The following CAMTA1 variants were observed in gnomAD, a reference collection of about 807,000 sequenced individuals.
CAMTA1 encodes the protein calmodulin-binding transcription activator 1.
A neutral mutation model predicts 170.9 loss-of-function variants in CAMTA1; 27 were observed. The observed-to-expected ratio is 0.16, with a 90% CI of 0.12 to 0.22. CAMTA1 has a LOEUF of 0.22. Among genes scored for constraint, CAMTA1 ranks in the 10% least tolerant of loss-of-function variants. CAMTA1 has a pLI of 1.00. For synonymous variants in CAMTA1, 833 were observed against 891.5 expected (o/e 0.93, Z 1.17); for missense variants, 1,619 against 2,217.2 (o/e 0.73, Z 5.42).
At chr1:7,025,766 G>A (rs2101016168) in intron 3 of CAMTA1, among the ~76,000 whole-genome samples, 1 of 152,302 alleles carries the variant, frequency 6.6e-6, no homozygotes, top group African/African-American at 2.4e-5. Context: ...GGGCATTGTG[G>A]TTTGAGAAGG....
Position 7,641,158 on chromosome 1 carries a change from G to A in CAMTA1, c.664+605G>A, listed in dbSNP as rs183000319. Among the ~76,000 whole-genome samples, 486 of 152,368 alleles carry A rather than the reference G, an allele frequency of 3.2e-3. 7 individuals are homozygous for A. The highest frequency in any genetic ancestry group is 0.023 in the Admixed American group (345 of 15,312). ...TGGGGCTGCTCCGTACTTTGTTGCC[G>A]TGGCCACAGCTCCCGGCAGCCGCTG... On this transcript the variant is annotated intron_variant, in intron 7 of 22. Coordinates refer to ENST00000303635, the MANE Select transcript of CAMTA1 (RefSeq NM_015215.4). This position sits in a 1 kb window ranked among gnomAD's most constrained non-coding sequence, Gnocchi z 4.5.
At position 7,195,986 on chromosome 1, in the gene CAMTA1, C is replaced by CA. The variant is rs1655450324; in HGVS notation, c.303-53504dup. ...GAGCTGAGATCATCCCACTGCACTC[C>CA]AGCCTGGGCAACACAGTGAGATACT... On this transcript the variant is annotated intron_variant, in intron 4 of 22. Transcript: ENST00000303635. This position sits in a 1 kb window ranked among gnomAD's most constrained non-coding sequence, Gnocchi z 4.1. Among the ~76,000 whole-genome samples, 1 of 152,172 alleles carries CA rather than the reference C, an allele frequency of 6.6e-6. No individual in the cohort carries two copies. The highest frequency in any genetic ancestry group is 2.4e-5 in the African/African-American group (1 of 41,518).
intron 5 of CAMTA1, among the ~76,000 whole-genome samples, chr1:7,288,002 A>G (rs1379711531): frequency 6.6e-6 from 1 of 152,224 alleles, no homozygotes; most frequent in Non-Finnish European, 1.5e-5. Flanking sequence ...AAAATTATCC[A>G]GTTAGTTTGG....
chr1:7,272,363 A>G (rs1669925869), intron 5 of CAMTA1, among the ~76,000 whole-genome samples: 1 of 152,150 alleles, frequency 6.6e-6, no homozygotes. Flanking sequence ...TTATCAAACT[A>G]TCATCTGGCT....
intron 5 of CAMTA1, among the ~76,000 whole-genome samples, chr1:7,312,771 C>T (rs1574609154): frequency 1.3e-5 from 2 of 152,114 alleles, no homozygotes; most frequent in Non-Finnish European, 2.9e-5. Flanking sequence ...TTATTTTTTC[C>T]ACTTCCTTCC....
chr1:7,087,592 G>T (rs182509052), intron 3 of CAMTA1, among the ~76,000 whole-genome samples: 1 of 152,198 alleles, frequency 6.6e-6, no homozygotes, highest in Non-Finnish European at 1.5e-5. Context: ...CAGAATGTGA[G>T]CCTTGGAGCC....
intron 3 of CAMTA1, among the ~76,000 whole-genome samples, chr1:7,037,748 G>C (rs1164604840): frequency 6.6e-6 from 1 of 151,538 alleles, no homozygotes; most frequent in Non-Finnish European, 1.5e-5. Flanking sequence ...TGAGGCAGTA[G>C]AATGGCATGA....
chr1:7,675,998 CCATCCCCCCCGACCCCAAGCTGGGACA>C (rs2096115981), intron 10 of CAMTA1, among the ~76,000 whole-genome samples: 1 of 152,236 alleles, frequency 6.6e-6, no homozygotes, highest in Admixed American at 6.5e-5. Context: ...GTTGAAGAGG[CCATCCCCCCCGACCCCAAGCTGGGACA>C]CATTGTCCCA....
intron 3 of CAMTA1, among the ~76,000 whole-genome samples, chr1:6,958,071 C>T (rs1689761810): frequency 6.6e-6 from 1 of 152,204 alleles, no homozygotes; most frequent in African/African-American, 2.4e-5. Flanking sequence ...GTGAACAAAA[C>T]CCAGGAGTGG....
intron 4 of CAMTA1, among the ~76,000 whole-genome samples, chr1:7,210,604 CT>C (rs1322964589): frequency 6.6e-6 from 1 of 152,146 alleles, no homozygotes; most frequent in East Asian, 1.9e-4. Flanking sequence ...TTTCATTAAA[CT>C]TTTACCCCTT....
chr1:7,487,704 G>A (rs529430781), intron 6 of CAMTA1, among the ~76,000 whole-genome samples: 5 of 152,228 alleles, frequency 3.3e-5, no homozygotes, highest in Non-Finnish European at 5.9e-5. Flanking sequence ...CTTGACTGAA[G>A]AGCAGAGGGA....
intron 5 of CAMTA1, among the ~76,000 whole-genome samples, chr1:7,406,607 TACAC>T (rs932479360): frequency 7.3e-5 from 11 of 151,582 alleles, no homozygotes; most frequent in East Asian, 3.9e-4. Context: ...CACACGGATG[TACAC>T]ACACACACAT....
At position 7,663,894 on chromosome 1, in the gene CAMTA1, C is replaced by T. The variant is rs1367860694; in HGVS notation, c.1347C>T (p.Ser449=). The stretch of plus-strand genomic sequence containing the variant: ...AGTTCGCCTTTCCCACCACGGGCAG[C>T]TCGGAGAGCCTGTCCATGCTGCCCA... ...GHKFAFPTTG[S]SESLSMLPTN... The change falls in exon 9 of 23, where the codon AGC becomes AGT. Residue 449 remains serine, a synonymous_variant. Coordinates refer to ENST00000303635, the MANE Select transcript of CAMTA1 (RefSeq NM_015215.4). 6.2e-7 allele frequency: 1 copy of T among 1,613,968 alleles called. No individual in the cohort carries two copies.
intron 4 of CAMTA1, among the ~76,000 whole-genome samples, chr1:7,141,625 C>T (rs956957766): frequency 2.0e-5 from 3 of 152,204 alleles, no homozygotes; most frequent in South Asian, 2.1e-4. Flanking sequence ...GCACACTCAG[C>T]GTTACTTTTC....
At chr1:7,246,957 C>A (rs568627673) in intron 4 of CAMTA1, among the ~76,000 whole-genome samples, 1 of 152,244 alleles carries the variant, frequency 6.6e-6, no homozygotes, top group Non-Finnish European at 1.5e-5. Flanking sequence ...GCTTTTGATT[C>A]TTTTCTGGGA....
intron 5 of CAMTA1, among the ~76,000 whole-genome samples, chr1:7,283,957 A>G (rs1671877121): frequency 6.6e-6 from 1 of 152,118 alleles, no homozygotes; most frequent in Admixed American, 6.5e-5. Context: ...GGAACTAGGC[A>G]TCTGGAGCCA....
chr1:6,968,385 G>A (rs1691940198), intron 3 of CAMTA1, among the ~76,000 whole-genome samples: 1 of 152,262 alleles, frequency 6.6e-6, no homozygotes, highest in South Asian at 2.1e-4. Flanking sequence ...TAGCCCCCAC[G>A]GTGGAGATAC....
chr1:7,477,691 C>T (rs1005327877), intron 6 of CAMTA1, among the ~76,000 whole-genome samples: 7 of 152,196 alleles, frequency 4.6e-5, no homozygotes, highest in Admixed American at 1.3e-4. Context: ...CACCCCTCCC[C>T]GCCTCTGGGG....
chr1:7,429,541 A>G (rs1334354583), intron 5 of CAMTA1, among the ~76,000 whole-genome samples: 1 of 148,630 alleles, frequency 6.7e-6, no homozygotes, highest in Non-Finnish European at 1.5e-5. Context: ...GATGATGGTG[A>G]TGATGATGAC....
Sources: gnomAD v4.1 joint callset for allele counts (sites outside exome capture counted in the v4.1 genomes callset) on GRCh38, gnomAD v4.1.1 for gene constraint, Gnocchi (gnomAD v3.1) non-coding constraint, MANE v1.5 for transcripts, NCBI Gene and HGNC (gene_info 2026-07-23, HGNC 2026-07-21) for gene names.